The following ITPR1 variants were observed in gnomAD, a reference collection of about 807,000 sequenced individuals.
The protein encoded by ITPR1 is inositol 1,4,5-trisphosphate-gated calcium channel ITPR1.
Under a neutral mutation model 318.4 loss-of-function variants are expected in ITPR1, and 96 were observed. The ratio of observed to expected loss-of-function variants is 0.30; its 90% CI spans 0.26 to 0.36. The LOEUF (loss-of-function observed/expected upper bound fraction) is 0.36, where lower values mean the gene tolerates loss of function less well. ITPR1 is among the 10% of genes least tolerant of loss of function. The probability of loss-of-function intolerance (pLI) is 1.00; values close to 1 mark genes in which losing one functional copy is unlikely to be tolerated. For synonymous variants in ITPR1, 1,312 were observed against 1,289.9 expected (o/e 1.02, Z -0.37); for missense variants, 2,440 against 3,460.2 (o/e 0.71, Z 7.40).
chr3:4,587,345 C>T (rs904273776), intron 4 of ITPR1, among the ~76,000 whole-genome samples: 1 of 145,460 alleles, frequency 6.9e-6, no homozygotes, highest in Non-Finnish European at 1.5e-5. Context: ...GCAATCTTGG[C>T]TTACTGCAAC....
chr3:4,713,219 A>C (rs1170753081), intron 39 of ITPR1, among the ~76,000 whole-genome samples: 2 of 152,250 alleles, frequency 1.3e-5, no homozygotes, highest in East Asian at 3.8e-4. Context: ...ATATGAATCT[A>C]GTTACAGAAA....
chr3:4,533,902 T>C (rs2083629566), intron 4 of ITPR1, among the ~76,000 whole-genome samples: 1 of 152,180 alleles, frequency 6.6e-6, no homozygotes, highest in African/African-American at 2.4e-5. Context: ...AAGTTGTGTT[T>C]ATCTTACCCC....
chr3:4,504,556 C>G (rs1332643115), intron 2 of ITPR1, among the ~76,000 whole-genome samples: 1 of 152,154 alleles, frequency 6.6e-6, no homozygotes, highest in Non-Finnish European at 1.5e-5. Context: ...TGAGGACGAT[C>G]TGATTAGCAG....
In ITPR1 at chr3:4,779,706, G is replaced by C; in HGVS notation, c.6387+61G>C. The C allele has an allele frequency of 8.4e-7, 1 of 1,194,088 alleles. No homozygotes were observed. 74.0% of individuals were successfully genotyped at this position (1,194,088 alleles called of 1,614,324 possible). A position where few individuals can be genotyped will look rare whatever the true frequency, so the allele number is the denominator to read the frequency against. Reference sequence around the variant, plus strand: ...GAGCATTGCGACGATATTTGGGACAGAGCAGAGGATCTGCTTCCTGGAGCT... The same window carrying C: ...GAGCATTGCGACGATATTTGGGACACAGCAGAGGATCTGCTTCCTGGAGCT... On this transcript the variant is annotated intron_variant, in intron 49 of 61. Transcript: ENST00000649015. The surrounding 1 kb of genome is among the most constrained non-coding windows in gnomAD (Gnocchi z 4.0).
chr3:4,698,347 A>T (rs1218976845), intron 34 of ITPR1, among the ~76,000 whole-genome samples: 1 of 152,142 alleles, frequency 6.6e-6, no homozygotes, highest in Non-Finnish European at 1.5e-5. Context: ...GTATTTAGTA[A>T]TATTTGGTCA....
chr3:4,680,780 G>A (rs2094282353), intron 25 of ITPR1, 89 bp downstream of exon 25: 1 of 1,204,818 alleles, frequency 8.3e-7, no homozygotes, highest in East Asian at 2.6e-5. Flanking sequence ...CTAGAAAAAG[G>A]GTGAAAATGG....
chr3:4,817,589 T>A (rs930171639), intron 59 of ITPR1: 2 of 152,352 alleles, frequency 1.3e-5, no homozygotes, highest in African/African-American at 2.4e-5. Context: ...CACCCCGGCC[T>A]CTTCAAATTA....
chr3:4,534,095 G>C (rs1174949621), intron 4 of ITPR1, among the ~76,000 whole-genome samples: 2 of 152,220 alleles, frequency 1.3e-5, no homozygotes, highest in Non-Finnish European at 2.9e-5. Flanking sequence ...TTTGCAGAAG[G>C]AATGTCCAGA....
intron 4 of ITPR1, among the ~76,000 whole-genome samples, chr3:4,543,468 C>A (rs764376943): frequency 6.6e-6 from 1 of 152,100 alleles, no homozygotes. Context: ...AAAACAAAAA[C>A]AAAACAGGTA....
rs761898351 is a variant in ITPR1, at chr3:4,645,713, C to A, written c.840C>A (p.Ala280=). The change falls in exon 10 of 62, where the codon GCC becomes GCA. Residue 280 remains alanine (A), a synonymous_variant. Coordinates refer to ENST00000649015, the MANE Select transcript of ITPR1 (RefSeq NM_001378452.1). The part of the protein sequence containing the change: ...QSATSATSSK[A]LWEVEVVQHD... The stretch of plus-strand genomic sequence containing the variant: ...CCACATCTGCCACCAGTTCAAAAGC[C>A]CTGTGGGAGGTGGAGGTAAGGGTAG... The A allele has an allele frequency of 3.7e-6, 6 of 1,612,830 alleles. No individual in the cohort carries two copies. The highest frequency in any genetic ancestry group is 5.1e-6 in the Non-Finnish European group (6 of 1,179,730).
intron 46 of ITPR1, among the ~76,000 whole-genome samples, chr3:4,769,276 C>T (rs2046030498): frequency 6.6e-6 from 1 of 152,116 alleles, no homozygotes; most frequent in South Asian, 2.1e-4. Context: ...CCTGCTGTCT[C>T]CAGAGACCAC....
intron 6 of ITPR1, among the ~76,000 whole-genome samples, chr3:4,640,204 A>G (rs527852765): frequency 2.6e-5 from 4 of 152,266 alleles, no homozygotes; most frequent in African/African-American, 9.6e-5. Flanking sequence ...TTTTTGAAAG[A>G]TTTTGCCTGC....
At chr3:4,500,508 G>T (rs766526812) in intron 2 of ITPR1, among the ~76,000 whole-genome samples, 1 of 151,322 alleles carries the variant, frequency 6.6e-6, no homozygotes, top group Non-Finnish European at 1.5e-5. Flanking sequence ...TGGCCAAAAT[G>T]GTATTTAGAG....
intron 46 of ITPR1, among the ~76,000 whole-genome samples, chr3:4,770,387 AGTT>A (rs1284607437): frequency 6.6e-6 from 1 of 152,218 alleles, no homozygotes; most frequent in East Asian, 1.9e-4. Flanking sequence ...TACCTTCTAT[AGTT>A]GTTTGAATTT....
chr3:4,564,531 C>T (rs940386090), intron 4 of ITPR1, among the ~76,000 whole-genome samples: 12 of 152,142 alleles, frequency 7.9e-5, no homozygotes, highest in African/African-American at 2.9e-4. Context: ...TTTTTGTCCT[C>T]CTGAAATTCC....
intron 30 of ITPR1, 151 bp from the exon 31 acceptor site, chr3:4,688,344 C>T: frequency 1.2e-6 from 1 of 831,862 alleles, no homozygotes; most frequent in South Asian, 1.7e-5. Flanking sequence ...GGCTTCTTTT[C>T]AGCGTCAGCA....
intron 3 of ITPR1, among the ~76,000 whole-genome samples, chr3:4,517,322 C>T (rs566701933): frequency 4.6e-5 from 7 of 152,222 alleles, no homozygotes; most frequent in African/African-American, 1.7e-4. Flanking sequence ...TCTATATTGT[C>T]TTTGTGTAGA....
chr3:4,567,355 A>G (rs896439346), intron 4 of ITPR1, among the ~76,000 whole-genome samples: 1 of 152,178 alleles, frequency 6.6e-6, no homozygotes, highest in African/African-American at 2.4e-5. Flanking sequence ...AATTTGTGTA[A>G]TGTTCCAGGT....
At chr3:4,716,154 G>T (rs1485512992) in intron 39 of ITPR1, among the ~76,000 whole-genome samples, 1 of 152,104 alleles carries the variant, frequency 6.6e-6, no homozygotes, top group East Asian at 1.9e-4. Flanking sequence ...TAAACACTCT[G>T]TGTGCAATGC....
Sources: gnomAD v4.1 joint callset for allele counts (sites outside exome capture counted in the v4.1 genomes callset) on GRCh38, gnomAD v4.1.1 for gene constraint, Gnocchi (gnomAD v3.1) non-coding constraint, MANE v1.5 for transcripts, NCBI Gene and HGNC (gene_info 2026-07-23, HGNC 2026-07-21) for gene names.